CTNNA3: variants seen among roughly 807,000 people sequenced by gnomAD.
CTNNA3 encodes the protein catenin alpha-3.
CTNNA3 carries 76 observed loss-of-function variants against 95.7 expected under a neutral mutation model. The ratio of observed to expected loss-of-function variants is 0.79; its 90% CI spans 0.66 to 0.96. The LOEUF (loss-of-function observed/expected upper bound fraction) is 0.96, where lower values mean the gene tolerates loss of function less well. Ranked by LOEUF, CTNNA3 falls within the 40% of genes least tolerant of loss-of-function variation. The probability of loss-of-function intolerance (pLI) is 0.00; values close to 1 mark genes in which losing one functional copy is unlikely to be tolerated. For synonymous variants in CTNNA3, 431 were observed against 374.4 expected, an observed-to-expected ratio of 1.15 and a Z score of -1.74; for missense variants, 1,191 against 1,089.8, an observed-to-expected ratio of 1.09 and a Z score of -1.31.
chr10:66,570,788 G>A (rs991858804), intron 10 of CTNNA3, among the ~76,000 whole-genome samples: 1 of 151,870 alleles, frequency 6.6e-6, no homozygotes, highest in African/African-American at 2.4e-5. Flanking sequence ...ATAAACTGAT[G>A]AGACATATCC....
chr10:66,863,339 C>T (rs962087502), intron 7 of CTNNA3, among the ~76,000 whole-genome samples: 12 of 151,944 alleles, frequency 7.9e-5, no homozygotes, highest in African/African-American at 2.7e-4. Flanking sequence ...TTTAAAAAAT[C>T]ATCCGCTATA....
At chr10:67,408,900 A>AAG (rs1301915684) in intron 5 of CTNNA3, among the ~76,000 whole-genome samples, 2 of 150,184 alleles carry the variant, frequency 1.3e-5, no homozygotes, top group African/African-American at 4.9e-5. Flanking sequence ...AAAAAAAAAA[A>AAG]GCCATTATAA....
At chr10:67,108,382 C>T (rs989645094) in intron 7 of CTNNA3, among the ~76,000 whole-genome samples, 1 of 152,052 alleles carries the variant, frequency 6.6e-6, no homozygotes, top group African/African-American at 2.4e-5. Context: ...TTGGTAGGTA[C>T]AAATTTTCAT....
chr10:66,536,257 A>ACTC (rs2132063681), intron 10 of CTNNA3, among the ~76,000 whole-genome samples: 1 of 151,992 alleles, frequency 6.6e-6, no homozygotes, highest in South Asian at 2.1e-4. Context: ...CAAGGTGGGC[A>ACTC]GATCACCTCA....
intron 1 of CTNNA3, among the ~76,000 whole-genome samples, chr10:67,720,115 G>A (rs1376923204): frequency 2.5e-4 from 4 of 16,288 alleles, no homozygotes; most frequent in Non-Finnish European, 6.9e-4. Flanking sequence ...CAGAGACTAG[G>A]ATTGCAACCC....
chr10:66,450,579 T>C (rs1160269597), intron 11 of CTNNA3, among the ~76,000 whole-genome samples: 4 of 151,950 alleles, frequency 2.6e-5, no homozygotes, highest in African/African-American at 7.2e-5. Flanking sequence ...TAACAAGAAA[T>C]TGCATTTTAC....
chr10:66,842,206 G>A (rs1300839562), intron 7 of CTNNA3, among the ~76,000 whole-genome samples: 1 of 151,874 alleles, frequency 6.6e-6, no homozygotes, highest in South Asian at 2.1e-4. Context: ...GCCTCCCAAA[G>A]TGCTGGGATT....
At chr10:67,633,481 A>G (rs1839210753) in intron 2 of CTNNA3, among the ~76,000 whole-genome samples, 1 of 152,170 alleles carries the variant, frequency 6.6e-6, no homozygotes, top group Non-Finnish European at 1.5e-5. Flanking sequence ...CACATTAGGA[A>G]CAGCAACATG....
intron 5 of CTNNA3, among the ~76,000 whole-genome samples, chr10:67,394,440 G>A (rs1412759838): frequency 6.6e-6 from 1 of 152,056 alleles, no homozygotes; most frequent in Non-Finnish European, 1.5e-5. Context: ...TAAGAGGCAT[G>A]TTTGCTTTGA....
intron 12 of CTNNA3, among the ~76,000 whole-genome samples, chr10:66,288,896 T>A (rs2091634133): frequency 6.6e-6 from 1 of 152,078 alleles, no homozygotes; most frequent in East Asian, 1.9e-4. Flanking sequence ...AGCTCCTATC[T>A]AATGATACAA....
intron 15 of CTNNA3, among the ~76,000 whole-genome samples, chr10:66,001,940 C>T (rs1441755511): frequency 1.3e-5 from 2 of 152,040 alleles, no homozygotes; most frequent in Non-Finnish European, 2.9e-5. Flanking sequence ...CACACATAAA[C>T]TCTCTCTGTG....
intron 3 of CTNNA3, among the ~76,000 whole-genome samples, chr10:67,541,647 T>C (rs1840688075): frequency 6.6e-6 from 1 of 152,104 alleles, no homozygotes. Context: ...ACAGCATTCA[T>C]ATATTTAGCA....
At chr10:67,329,661 TAAA>T (rs934447738) in intron 5 of CTNNA3, among the ~76,000 whole-genome samples, 1 of 152,168 alleles carries the variant, frequency 6.6e-6, no homozygotes, top group African/African-American at 2.4e-5. Flanking sequence ...TGGGAAGAGA[TAAA>T]AAACTCAAAT....
intron 9 of CTNNA3, among the ~76,000 whole-genome samples, chr10:66,646,820 A>C (rs2132398539): frequency 6.6e-6 from 1 of 152,268 alleles, no homozygotes; most frequent in East Asian, 1.9e-4. Flanking sequence ...CCAATCTAAA[A>C]GCATTTGTGA....
At chr10:66,677,909 T>C (rs1346167573) in intron 9 of CTNNA3, among the ~76,000 whole-genome samples, 2 of 102,218 alleles carry the variant, frequency 2.0e-5, no homozygotes, top group East Asian at 4.8e-4. Context: ...GGTCAAACTT[T>C]GAGTAACAAC....
chr10:66,744,525 C>A (rs890455425), intron 9 of CTNNA3, among the ~76,000 whole-genome samples: 2 of 152,096 alleles, frequency 1.3e-5, no homozygotes, highest in Non-Finnish European at 2.9e-5. Context: ...CAGGACAACT[C>A]TATTTCCAGT....
intron 7 of CTNNA3, among the ~76,000 whole-genome samples, chr10:66,832,956 A>G (rs1842771286): frequency 6.6e-6 from 1 of 152,178 alleles, no homozygotes; most frequent in Non-Finnish European, 1.5e-5. Flanking sequence ...GTAGACACCT[A>G]AAAACCCCAG....
At chr10:67,719,493 CT>C (rs1201509110) in intron 1 of CTNNA3, among the ~76,000 whole-genome samples, 1 of 152,016 alleles carries the variant, frequency 6.6e-6, no homozygotes, top group African/African-American at 2.4e-5. Flanking sequence ...GATTCTGGTA[CT>C]TTGTGTCTTT....
At chr10:66,039,054 A>G (rs1263898789) in intron 15 of CTNNA3, among the ~76,000 whole-genome samples, 3 of 152,220 alleles carry the variant, frequency 2.0e-5, no homozygotes, top group Admixed American at 2.0e-4. Context: ...AAGTTTCAGC[A>G]TATAAAATCA....
Sources: allele counts gnomAD v4.1 joint callset (sites outside exome capture counted in the v4.1 genomes callset), GRCh38; gene constraint gnomAD v4.1.1; transcripts MANE v1.5; gene names NCBI Gene and HGNC (gene_info 2026-07-23, HGNC 2026-07-21).